CDIN1: variants seen among roughly 807,000 people sequenced by gnomAD.
The protein encoded by CDIN1 is CDAN1 interacting nuclease 1, also known as CDAN1-interacting nuclease 1.
CDIN1 carries 33 observed loss-of-function variants against 45.3 expected under a neutral mutation model. That is an observed-to-expected ratio of 0.73 (90% CI 0.55 to 0.97). The LOEUF (loss-of-function observed/expected upper bound fraction) is 0.97, where lower values mean the gene tolerates loss of function less well. Ranked by LOEUF, CDIN1 falls within the 50% of genes least tolerant of loss-of-function variation. The pLI is 0.00. For missense variants in CDIN1, 303 were observed against 339.4 expected (o/e 0.89, Z 0.84); for synonymous variants, 118 against 124.4 (o/e 0.95, Z 0.34).
chr15:36,675,288 T>G (rs776719362), intron 5 of CDIN1, among the ~76,000 whole-genome samples: 1 of 152,138 alleles, frequency 6.6e-6, no homozygotes, highest in Non-Finnish European at 1.5e-5. Context: ...CTTCAGTTCT[T>G]AAAAATGTAT....
intron 1 of CDIN1, among the ~76,000 whole-genome samples, chr15:36,622,342 G>A (rs922547754): frequency 6.6e-6 from 1 of 152,094 alleles, no homozygotes; most frequent in Non-Finnish European, 1.5e-5. Flanking sequence ...CTCTTTAACT[G>A]GCATAGAAGT....
At chr15:36,737,975 C>T (rs913863146) in intron 10 of CDIN1, among the ~76,000 whole-genome samples, 1 of 152,164 alleles carries the variant, frequency 6.6e-6, no homozygotes, top group African/African-American at 2.4e-5. Flanking sequence ...CTCCTTGAAA[C>T]TTGACTTTAT....
Position 36,709,892 on chromosome 15 carries a change from A to C in CDIN1, c.647A>C (p.Lys216Thr). 1.2e-6 allele frequency: 2 copies of C among 1,613,400 alleles called. No homozygotes were observed. The highest frequency in any genetic ancestry group is 1.7e-6 in the Non-Finnish European group (2 of 1,179,488). The change falls in exon 10 of 11, where the codon AAA (lysine) becomes ACA (threonine). Residue 216 changes from lysine (K) to threonine (T), a missense_variant. By Grantham distance (78) the Lys-to-Thr change is moderately conservative (BLOSUM62 -1). Transcript: ENST00000566621. Reference sequence around the variant, plus strand: ...CACATAATTCACTGGATTGAAAGCAAAGCCTCATTTGGTGATGAATGTAGC... The same window carrying C: ...CACATAATTCACTGGATTGAAAGCACAGCCTCATTTGGTGATGAATGTAGC... ...EGHIIHWIES[K>T]ASFGDECSHH...
At chr15:36,687,046 G>A (rs1018223072) in intron 5 of CDIN1, among the ~76,000 whole-genome samples, 41 of 151,456 alleles carry the variant, frequency 2.7e-4, no homozygotes, top group African/African-American at 9.7e-4. Flanking sequence ...GAGGGAGGGA[G>A]GGATGGAAGG....
intron 10 of CDIN1, among the ~76,000 whole-genome samples, chr15:36,777,542 T>A (rs1374183841): frequency 6.6e-6 from 1 of 152,148 alleles, no homozygotes; most frequent in African/African-American, 2.4e-5. Context: ...CTAATCAACA[T>A]TCAGAAGACA....
intron 8 of CDIN1, chr15:36,707,827 C>T (rs899786913): frequency 6.6e-6 from 1 of 152,072 alleles, no homozygotes; most frequent in African/African-American, 2.4e-5. Flanking sequence ...GAAACTTGTC[C>T]AATCTTCTTC....
chr15:36,692,417 G>T (rs2042289024), intron 7 of CDIN1, among the ~76,000 whole-genome samples: 1 of 152,124 alleles, frequency 6.6e-6, no homozygotes, highest in South Asian at 2.1e-4. Flanking sequence ...CTTTCAAACT[G>T]CCTGGTTTTC....
chr15:36,632,153 T>G (rs544788130), intron 1 of CDIN1, among the ~76,000 whole-genome samples: 2 of 152,316 alleles, frequency 1.3e-5, no homozygotes, highest in South Asian at 4.1e-4. Context: ...GTATTTAGTA[T>G]GTTGAGAAAC....
At chr15:36,710,053 G>T in intron 10 of CDIN1, 92 bp downstream of exon 10, 4 of 875,280 alleles carry the variant, frequency 4.6e-6, no homozygotes, top group African/African-American at 1.7e-5. Flanking sequence ...AAAAATGCTA[G>T]TAGCCGTTGT....
At chr15:36,617,426 C>A in intron 1 of CDIN1, 2 of 1,195,664 alleles carry the variant, frequency 1.7e-6, no homozygotes, top group Non-Finnish European at 2.5e-6. Context: ...AGCAATTCAG[C>A]AATTTCTACA....
chr15:36,773,622 C>A lies in CDIN1; in HGVS notation c.717-34702C>A, dbSNP rs2054135074. Among the ~76,000 whole-genome samples the A allele has an allele frequency of 2.6e-5, 4 of 151,998 alleles. No individual in the cohort carries two copies. In the South Asian group the frequency reaches 8.3e-4, roughly 32 times the overall value. Reference sequence around the variant, plus strand: ...AAGTATGGGATGAAATAATTCCAGGCAGAAGCAGAACAAGTAAAGCAAAAC... The same window carrying A: ...AAGTATGGGATGAAATAATTCCAGGAAGAAGCAGAACAAGTAAAGCAAAAC... On this transcript the variant is annotated intron_variant, in intron 10 of 10. Transcript: ENST00000566621.
chr15:36,719,318 A>G (rs1273434593), intron 10 of CDIN1, among the ~76,000 whole-genome samples: 1 of 152,112 alleles, frequency 6.6e-6, no homozygotes, highest in Non-Finnish European at 1.5e-5. Flanking sequence ...GTTTGCTACA[A>G]GTTTTTATCA....
chr15:36,693,629 A>G (rs1191865603), intron 7 of CDIN1, among the ~76,000 whole-genome samples: 1 of 152,190 alleles, frequency 6.6e-6, no homozygotes, highest in African/African-American at 2.4e-5. Flanking sequence ...TAACTATCTA[A>G]TTATGTATGC....
At position 36,589,746 on chromosome 15, in the gene CDIN1, T is replaced by C. The variant is rs370121570; in HGVS notation, c.101+9785T>C. ...GTCTCGATCTCCTGACCTCGTGATCTGCCCGCCTCGGCCTCCCAAAGTGCT... is the reference window on the plus strand; with the variant it reads ...GTCTCGATCTCCTGACCTCGTGATCCGCCCGCCTCGGCCTCCCAAAGTGCT... On this transcript the variant is annotated intron_variant, in intron 1 of 10. Transcript: ENST00000566621. Among the ~76,000 whole-genome samples the C allele has an allele frequency of 1.2e-3, 176 of 152,140 alleles. 1 individual carries two copies. Among genetic ancestry groups the C allele is most frequent in the African/African-American group, 3.9e-3 (160 of 41,520 alleles).
At chr15:36,754,640 T>G (rs1400764479) in intron 10 of CDIN1, among the ~76,000 whole-genome samples, 1 of 151,348 alleles carries the variant, frequency 6.6e-6, no homozygotes, top group Non-Finnish European at 1.5e-5. Context: ...TTATCCCCCT[T>G]ACATGTCAAA....
chr15:36,760,772 T>C (rs1595566223), intron 10 of CDIN1, among the ~76,000 whole-genome samples: 1 of 152,214 alleles, frequency 6.6e-6, no homozygotes. Context: ...TCACTTTTCA[T>C]ATCCATACAT....
chr15:36,611,721 G>A (rs1251661897), intron 1 of CDIN1, among the ~76,000 whole-genome samples: 1 of 152,138 alleles, frequency 6.6e-6, no homozygotes, highest in Non-Finnish European at 1.5e-5. Flanking sequence ...AAACGGAATC[G>A]ATCATGTCTT....
intron 10 of CDIN1, among the ~76,000 whole-genome samples, chr15:36,764,368 T>C (rs542203775): frequency 6.6e-6 from 1 of 152,308 alleles, no homozygotes; most frequent in East Asian, 1.9e-4. Flanking sequence ...TCCAGTTGTC[T>C]AGTAACATGT....
intron 1 of CDIN1, among the ~76,000 whole-genome samples, chr15:36,597,063 C>A (rs1265063068): frequency 6.6e-6 from 1 of 152,104 alleles, no homozygotes; most frequent in Non-Finnish European, 1.5e-5. Context: ...ATGACCAAGA[C>A]CATTTTGGAC....
Sources: allele counts gnomAD v4.1 joint callset (sites outside exome capture counted in the v4.1 genomes callset), GRCh38; gene constraint gnomAD v4.1.1; transcripts MANE v1.5; gene names NCBI Gene and HGNC (gene_info 2026-07-23, HGNC 2026-07-21).